The following RNF38 variants were observed in gnomAD, a reference collection of about 807,000 sequenced individuals.
RNF38 encodes the protein ring finger protein 38, also known as E3 ubiquitin-protein ligase RNF38.
In RNF38, 15 loss-of-function variants were observed where a neutral mutation model predicts 67.2. The observed-to-expected ratio is 0.22, with a 90% CI of 0.15 to 0.34. The LOEUF is 0.34. RNF38 is among the 10% of genes least tolerant of loss of function. The pLI, the probability that RNF38 is intolerant of heterozygous loss-of-function variation, is 1.00. For synonymous variants in RNF38, 220 were observed against 218.8 expected (o/e 1.01, Z -0.05); for missense variants, 524 against 639.9 (o/e 0.82, Z 1.95).
chr9:36,340,914 C>G (rs536503347), intron 11 of RNF38, among the ~76,000 whole-genome samples: 7 of 152,042 alleles, frequency 4.6e-5, no homozygotes, highest in Admixed American at 4.6e-4. Context: ...AGCACATAAT[C>G]TTATTTCTGC....
intron 1 of RNF38, among the ~76,000 whole-genome samples, chr9:36,481,083 C>T (rs1239464069): frequency 6.7e-6 from 1 of 149,640 alleles, no homozygotes; most frequent in Admixed American, 6.7e-5. Flanking sequence ...GGTGCAATCT[C>T]GGCTCATTGC....
chr9:36,473,695 C>T (rs781073599), intron 1 of RNF38, among the ~76,000 whole-genome samples: 3 of 151,902 alleles, frequency 2.0e-5, no homozygotes, highest in East Asian at 1.9e-4. Flanking sequence ...GATTTAAAAA[C>T]TCAATTTTTG....
Position 36,440,519 on chromosome 9 carries a change from G to T in RNF38, n.242-15836C>A, listed in dbSNP as rs10814388. On this transcript the variant is annotated intron_variant and non_coding_transcript_variant, in intron 1 of 3. Transcript: ENST00000488058. ...GCACTCCAGCCTGGGCAACAAGAGC[G>T]AAACTCCATCTCAAAAAAAAAAGAA... Among the ~76,000 whole-genome samples, 3 of 148,888 alleles carry T rather than the reference G, an allele frequency of 2.0e-5. No individual in the cohort carries two copies. The South Asian group carries it at 6.3e-4, about 31-fold the overall frequency.
Position 36,420,532 on chromosome 9 carries a change from C to CA in RNF38, n.312+4080dup, listed in dbSNP as rs59641483. On this transcript the variant is annotated intron_variant and non_coding_transcript_variant, in intron 2 of 3. Coordinates refer to the RNF38 transcript ENST00000488058. ...GGGCAACAGAGCAAGACTCTGTCTC[C>CA]AAAAAAAAAAAAAAAGAGGACAACC... Among the ~76,000 whole-genome samples, 209 of 73,366 alleles carry CA rather than the reference C, an allele frequency of 2.8e-3. 10 individuals are homozygous for CA. The highest frequency in any genetic ancestry group is 6.3e-3 in the Middle Eastern group (1 of 160). 48.1% of individuals were successfully genotyped at this position (73,366 alleles called of 152,430 possible). A position where few individuals can be genotyped will look rare whatever the true frequency, so the allele number is the denominator to read the frequency against.
intron 10 of RNF38, among the ~76,000 whole-genome samples, chr9:36,344,454 T>C (rs529203138): frequency 6.6e-6 from 1 of 152,344 alleles, no homozygotes; most frequent in East Asian, 1.9e-4. Context: ...TTCAATCTTG[T>C]GTGAAAACAA....
chr9:36,343,379 T>A lies in RNF38; in HGVS notation c.1386-955A>T, dbSNP rs895190461. The stretch of plus-strand genomic sequence containing the variant: ...AAGATAATTTATCTGGTGAGATCTA[T>A]AATATGTATAAAACCTCTACAACTC... On this transcript the variant is annotated intron_variant, in intron 10 of 11. Coordinates refer to ENST00000259605, the MANE Select transcript of RNF38 (RefSeq NM_022781.5). Among the ~76,000 whole-genome samples the A allele has an allele frequency of 3.9e-5, 6 of 152,326 alleles. No homozygotes were observed. The South Asian group carries it at 8.3e-4, about 21-fold the overall frequency.
intron 6 of RNF38, among the ~76,000 whole-genome samples, chr9:36,355,754 A>G (rs1301217667): frequency 2.6e-5 from 4 of 152,220 alleles, no homozygotes. Flanking sequence ...AAATTTAAGA[A>G]ACCAGAAATT....
intron 1 of RNF38, among the ~76,000 whole-genome samples, chr9:36,474,863 C>T (rs1238396462): frequency 1.4e-5 from 2 of 147,716 alleles, no homozygotes; most frequent in Non-Finnish European, 3.0e-5. Context: ...CACACAGGGC[C>T]GGGCGCGGTG....
chr9:36,360,565 G>A (rs1011130625), intron 4 of RNF38, among the ~76,000 whole-genome samples: 6 of 151,948 alleles, frequency 3.9e-5, no homozygotes, highest in African/African-American at 1.5e-4. Flanking sequence ...GTGTTGAGTC[G>A]GTGCTCAAAA....
At position 36,353,303 on chromosome 9, in the gene RNF38, T is replaced by C; in HGVS notation, c.938A>G (p.Glu313Gly). ...SPLQRIENEV[E>G]LLGEHLPVGG... ...TACTGGAAGATGTTCTCCTAAGAGT[T>C]CCACTTCATTTTCTATCCTTTGCAG... Residue 313 changes from glutamate to glycine, a missense_variant, in exon 7 of 12, where the codon GAA becomes GGA. Glu to Gly is a moderately conservative substitution (Grantham distance 98, BLOSUM62 -2). Around this residue, in one of 2 missense-constraint regions of RNF38, gnomAD observed 461 missense variants for 517.4 expected, o/e 0.89. Coordinates refer to ENST00000259605, the MANE Select transcript of RNF38 (RefSeq NM_022781.5). The C allele has an allele frequency of 6.2e-7, 1 of 1,611,162 alleles. No individual in the cohort carries two copies.
chr9:36,456,115 C>T (rs545691840), intron 1 of RNF38, among the ~76,000 whole-genome samples: 2 of 152,202 alleles, frequency 1.3e-5, no homozygotes, highest in South Asian at 4.2e-4. Context: ...GCCATCCAGG[C>T]AGTGGCGTGA....
At chr9:36,403,501 T>C, upstream of RNF38, among the ~76,000 whole-genome samples, 1 of 152,202 alleles carries the variant, frequency 6.6e-6, no homozygotes, top group East Asian at 1.9e-4. Context: ...CAAGAGCTTT[T>C]TGAGAATTCT....
At chr9:36,457,451 A>T (rs1464843463) in intron 1 of RNF38, among the ~76,000 whole-genome samples, 1 of 152,232 alleles carries the variant, frequency 6.6e-6, no homozygotes. Context: ...AGTTCTGCTT[A>T]CACCATTAGA....
At chr9:36,436,818 C>CAAAA (rs35428713) in intron 1 of RNF38, among the ~76,000 whole-genome samples, 22 of 80,290 alleles carry the variant, frequency 2.7e-4, no homozygotes, top group East Asian at 6.7e-4. Flanking sequence ...CGAGACTCCT[C>CAAAA]AAAAAAAAAA....
intron 4 of RNF38, among the ~76,000 whole-genome samples, chr9:36,369,392 C>T (rs906192859): frequency 4.6e-5 from 7 of 152,066 alleles, no homozygotes; most frequent in African/African-American, 1.4e-4. Flanking sequence ...AGCTAATTTT[C>T]GTACTTTTAG....
At chr9:36,452,392 A>G (rs377512667) in intron 1 of RNF38, among the ~76,000 whole-genome samples, 1 of 150,514 alleles carries the variant, frequency 6.6e-6, no homozygotes, top group Non-Finnish European at 1.5e-5. Context: ...ATAATCATTA[A>G]TTTACTTTCC....
In RNF38 at chr9:36,400,267, G is replaced by A. The variant is rs970731451; in HGVS notation, c.-159C>T. 2.2e-6 allele frequency: 3 copies of A among 1,352,418 alleles called. No homozygotes were observed. Among genetic ancestry groups the A allele is most frequent in the African/African-American group, 2.9e-5 (2 of 67,976 alleles). 83.8% of individuals were successfully genotyped at this position (1,352,418 alleles called of 1,614,324 possible). A position where few individuals can be genotyped will look rare whatever the true frequency, so the allele number is the denominator to read the frequency against. On this transcript the variant is annotated 5_prime_UTR_variant, in exon 1 of 12. Coordinates refer to ENST00000259605, the MANE Select transcript of RNF38 (RefSeq NM_022781.5). ...ATCCAGAAACCCACGGAAGCAGAAG[G>A]ACGCCAGAGAGGACCCTTTCGACCG...
intron 1 of RNF38, among the ~76,000 whole-genome samples, chr9:36,391,763 G>A (rs1478583582): frequency 6.6e-6 from 1 of 151,802 alleles, no homozygotes; most frequent in African/African-American, 2.4e-5. Flanking sequence ...ACAGGCGCCC[G>A]CCACCCCGCC....
At chr9:36,467,461 C>T (rs749799302) in intron 1 of RNF38, among the ~76,000 whole-genome samples, 16 of 151,970 alleles carry the variant, frequency 1.1e-4, no homozygotes, top group Non-Finnish European at 1.8e-4. Context: ...GGCTGCAGCT[C>T]TGAGCTATGG....
Sources: gnomAD v4.1 joint callset for allele counts (sites outside exome capture counted in the v4.1 genomes callset) on GRCh38, gnomAD v4.1.1 for gene constraint, gnomAD v4.1.1 regional missense constraint, MANE v1.5 for transcripts, NCBI Gene and HGNC (gene_info 2026-07-23, HGNC 2026-07-21) for gene names.